Variants in SLC22A4 observed in about 807,000 individuals in gnomAD.
SLC22A4 encodes the protein solute carrier family 22 member 4.
A neutral mutation model predicts 56.6 loss-of-function variants in SLC22A4; 39 were observed. The observed-to-expected ratio is 0.69, with a 90% CI of 0.53 to 0.90. The LOEUF (loss-of-function observed/expected upper bound fraction) is 0.90. Among genes scored for constraint, SLC22A4 ranks in the 40% least tolerant of loss-of-function variants. The pLI is 0.00. For synonymous variants in SLC22A4, 241 were observed against 281.4 expected, an observed-to-expected ratio of 0.86 and a Z score of 1.44; for missense variants, 594 against 696.5, an observed-to-expected ratio of 0.85 and a Z score of 1.66.
intron 1 of SLC22A4, among the ~76,000 whole-genome samples, chr5:132,298,499 G>A (rs1357666625): frequency 6.6e-6 from 1 of 152,224 alleles, no homozygotes; most frequent in African/African-American, 2.4e-5. Context: ...TGGGTATAGA[G>A]TTTCAGTTTT....
In SLC22A4 at chr5:132,331,736, T is replaced by C; in HGVS notation, c.952-20T>C. The C allele has an allele frequency of 1.9e-6, 3 of 1,547,320 alleles. No homozygotes were observed. The highest frequency in any genetic ancestry group is 2.7e-6 in the Non-Finnish European group (3 of 1,119,142). Reference sequence around the variant, plus strand: ...TACTACCTCTTAATCTCATGGTTATTTGCATTATTTTGGTTACAGGAGCTA... The same window carrying C: ...TACTACCTCTTAATCTCATGGTTATCTGCATTATTTTGGTTACAGGAGCTA... On this transcript the variant is annotated intron_variant, in intron 5 of 9. Coordinates refer to ENST00000200652, the MANE Select transcript of SLC22A4 (RefSeq NM_003059.3).
rs55779142 is a variant in SLC22A4 at position 132,306,384 on chromosome 5, AATATAT to A, written c.394-5723_394-5718del. Among the ~76,000 whole-genome samples the A allele has an allele frequency of 2.7e-3, 81 of 30,516 alleles. 1 individual carries two copies. Among genetic ancestry groups the A allele is most frequent in the African/African-American group, 3.3e-3 (38 of 11,458 alleles). 20.0% of individuals were successfully genotyped at this position (30,516 alleles called of 152,430 possible). On this transcript the variant is annotated intron_variant, in intron 1 of 9. Coordinates refer to ENST00000200652, the MANE Select transcript of SLC22A4 (RefSeq NM_003059.3). ...AAAACGTGGTAGACCCAAACCGTGA[AATATAT>A]ATATATATATATATATATATATATA... is the stretch of plus-strand genomic sequence containing the variant.
intron 7 of SLC22A4, 142 bp downstream of exon 7, chr5:132,335,074 C>T (rs1274078207): frequency 2.4e-5 from 17 of 708,288 alleles, no homozygotes; most frequent in Middle Eastern, 3.7e-4. Context: ...TTGCTCACTA[C>T]GTATGTTGTT....
intron 5 of SLC22A4, among the ~76,000 whole-genome samples, chr5:132,329,097 A>G (rs1002004896): frequency 6.6e-6 from 1 of 151,446 alleles, no homozygotes; most frequent in African/African-American, 2.4e-5. Flanking sequence ...CACCAAACCC[A>G]GCTAACATTT....
intron 5 of SLC22A4, among the ~76,000 whole-genome samples, chr5:132,327,698 T>A (rs1750724015): frequency 6.6e-6 from 1 of 152,266 alleles, no homozygotes. Flanking sequence ...TCCAAACCAC[T>A]GACACAGCTA....
At chr5:132,325,960 A>C (rs1274640044) in intron 4 of SLC22A4, among the ~76,000 whole-genome samples, 6 of 152,198 alleles carry the variant, frequency 3.9e-5, no homozygotes, top group Non-Finnish European at 7.3e-5. Flanking sequence ...CCCAAAAATT[A>C]CTACCCTTTC....
At chr5:132,337,821 C>T (rs1442874386) in intron 8 of SLC22A4, among the ~76,000 whole-genome samples, 13 of 151,752 alleles carry the variant, frequency 8.6e-5, no homozygotes, top group African/African-American at 1.5e-4. Context: ...CTGCAACCTC[C>T]GCCGCCTGGG....
At chr5:132,310,824 G>A (rs1038996970) in intron 1 of SLC22A4, among the ~76,000 whole-genome samples, 1 of 152,184 alleles carries the variant, frequency 6.6e-6, no homozygotes, top group Admixed American at 6.5e-5. Flanking sequence ...CGAATAAGCA[G>A]ACTACTTCGG....
intron 9 of SLC22A4, among the ~76,000 whole-genome samples, chr5:132,342,318 T>TACAGA (rs1462157261): frequency 6.6e-6 from 1 of 152,214 alleles, no homozygotes; most frequent in Non-Finnish European, 1.5e-5. Flanking sequence ...ACAGACAGTT[T>TACAGA]ACAGAAGAAG....
chr5:132,294,477 C>A lies in SLC22A4; in HGVS notation c.-140C>A. 2 of 1,219,518 alleles carry A rather than the reference C, an allele frequency of 1.6e-6. No homozygotes were observed. The highest frequency in any genetic ancestry group is 1.4e-5 in the South Asian group (1 of 74,002). 75.5% of individuals were successfully genotyped at this position (1,219,518 alleles called of 1,614,324 possible). On this transcript the variant is annotated 5_prime_UTR_variant, in exon 1 of 10. Coordinates refer to ENST00000200652, the MANE Select transcript of SLC22A4 (RefSeq NM_003059.3). The surrounding 1 kb of genome is among the most constrained non-coding windows in gnomAD (Gnocchi z 5.6). ...CCTGTTTCCCAGGAACGGTCCCCGG[C>A]TTCGCGCCCCAATTTCTAACAGCCT...
At chr5:132,295,383 G>A (rs1378432700) in intron 1 of SLC22A4, 2 of 474,532 alleles carry the variant, frequency 4.2e-6, no homozygotes, top group Non-Finnish European at 8.4e-6. Flanking sequence ...AGGGGTGTGA[G>A]GGACCTTGTT....
In SLC22A4 at chr5:132,294,774, C is replaced by G. The variant is rs531041134; in HGVS notation, c.158C>G (p.Pro53Arg). 8.7e-6 allele frequency: 14 copies of G among 1,613,402 alleles called. No individual in the cohort carries two copies. Among genetic ancestry groups the G allele is most frequent in the Middle Eastern group, 1.6e-4 (1 of 6,082 alleles). ...AGTPEHRCRVPDAANLSSAWR... is the reference protein window; with the variant it reads ...AGTPEHRCRVRDAANLSSAWR... Reference sequence around the variant, plus strand: ...ACCCCGGAGCACCGCTGTCGAGTGCCGGACGCCGCGAACCTGAGCAGCGCC... The same window carrying G: ...ACCCCGGAGCACCGCTGTCGAGTGCGGGACGCCGCGAACCTGAGCAGCGCC... The change falls in exon 1 of 10, where the codon CCG becomes CGG. Residue 53 changes from proline (P) to arginine (R), a missense_variant. Physicochemically the swap from Pro to Arg is moderately radical, Grantham distance 103. Coordinates refer to ENST00000200652, the MANE Select transcript of SLC22A4 (RefSeq NM_003059.3). The surrounding 1 kb of genome is among the most constrained non-coding windows in gnomAD (Gnocchi z 5.6).
intron 5 of SLC22A4, 68 bp from the exon 6 acceptor site, chr5:132,331,688 C>A: frequency 9.1e-7 from 1 of 1,099,744 alleles, no homozygotes; most frequent in Non-Finnish European, 1.4e-6. Flanking sequence ...TTTCCCCATG[C>A]ATCATAGCCA....
At chr5:132,316,003 G>A (rs1324246302) in intron 3 of SLC22A4, among the ~76,000 whole-genome samples, 2 of 152,206 alleles carry the variant, frequency 1.3e-5, no homozygotes, top group African/African-American at 4.8e-5. Context: ...CTACAGTGCA[G>A]CAGTGCTCTC....
chr5:132,322,349 T>C lies in SLC22A4; in HGVS notation c.818T>C (p.Leu273Pro), dbSNP rs1561542143. Residue 273 changes from leucine (L) to proline (P), a missense_variant, in exon 4 of 10, where the codon CTG (leucine) becomes CCG (proline). Physicochemically the swap from Leu to Pro is moderately conservative, Grantham distance 98. Transcript: ENST00000200652. ...LTVPGVLCVP[L>P]WWFIPESPRW... Reference sequence around the variant, plus strand: ...GTGCCGGGAGTGCTGTGTGTCCCGCTGTGGTGGTGAGTGTGACTCGTCCCC... The same window carrying C: ...GTGCCGGGAGTGCTGTGTGTCCCGCCGTGGTGGTGAGTGTGACTCGTCCCC... 6.2e-7 allele frequency: 1 copy of C among 1,613,430 alleles called. No homozygotes were observed. Among genetic ancestry groups the C allele is most frequent in the Non-Finnish European group, 8.5e-7 (1 of 1,179,862 alleles).
At chr5:132,343,011 AC>A (rs2126748270) in intron 9 of SLC22A4, among the ~76,000 whole-genome samples, 1 of 152,246 alleles carries the variant, frequency 6.6e-6, no homozygotes, top group African/African-American at 2.4e-5. Flanking sequence ...ACCAGCCCCC[AC>A]CCTGAAGCTA....
chr5:132,341,820 C>G (rs560813293), intron 9 of SLC22A4, among the ~76,000 whole-genome samples: 3 of 151,920 alleles, frequency 2.0e-5, no homozygotes, highest in Non-Finnish European at 4.4e-5. Flanking sequence ...TGGTGGCGCA[C>G]CCCTGTAATC....
At chr5:132,297,239 A>G (rs1749800689) in intron 1 of SLC22A4, among the ~76,000 whole-genome samples, 1 of 152,102 alleles carries the variant, frequency 6.6e-6, no homozygotes, top group Non-Finnish European at 1.5e-5. Context: ...AATCACTTCA[A>G]CCTGGGAGGC....
At chr5:132,336,367 T>TA (rs897633130) in intron 8 of SLC22A4, among the ~76,000 whole-genome samples, 45 of 151,878 alleles carry the variant, frequency 3.0e-4, no homozygotes, top group Admixed American at 4.6e-4. Flanking sequence ...CTACTAAAAA[T>TA]AAAAAAATTA....
Sources: allele counts gnomAD v4.1 joint callset (sites outside exome capture counted in the v4.1 genomes callset), GRCh38; gene constraint gnomAD v4.1.1; non-coding constraint Gnocchi (gnomAD v3.1); transcripts MANE v1.5; gene names NCBI Gene and HGNC (gene_info 2026-07-23, HGNC 2026-07-21).